The following GALNTL6 variants were observed in gnomAD, a reference collection of about 807,000 sequenced individuals.
GALNTL6 encodes the protein polypeptide N-acetylgalactosaminyltransferase like 6.
A neutral mutation model predicts 73.7 loss-of-function variants in GALNTL6; 46 were observed. The ratio of observed to expected loss-of-function variants is 0.62; its 90% CI spans 0.49 to 0.80. The LOEUF (loss-of-function observed/expected upper bound fraction) is 0.80, where lower values mean the gene tolerates loss of function less well. GALNTL6 is among the 30% of genes least tolerant of loss of function. GALNTL6 has a pLI of 0.00. For missense variants in GALNTL6, 604 were observed against 755.0 expected (o/e 0.80, Z 2.34); for synonymous variants, 259 against 263.7 (o/e 0.98, Z 0.17).
chr4:172,028,436 A>C (rs2110815271), intron 2 of GALNTL6, among the ~76,000 whole-genome samples: 1 of 152,248 alleles, frequency 6.6e-6, no homozygotes, highest in South Asian at 2.1e-4. Flanking sequence ...AATGCTAATA[A>C]AAACATTTAA....
At chr4:171,883,944 G>A (rs2110915805) in intron 2 of GALNTL6, among the ~76,000 whole-genome samples, 1 of 152,248 alleles carries the variant, frequency 6.6e-6, no homozygotes. Context: ...ACCGCTCCCA[G>A]ACATATATGT....
chr4:172,348,226 A>G (rs1741820555), intron 4 of GALNTL6, among the ~76,000 whole-genome samples: 1 of 152,186 alleles, frequency 6.6e-6, no homozygotes, highest in Non-Finnish European at 1.5e-5. Flanking sequence ...TATTTCTATT[A>G]TATAACAACA....
chr4:172,062,099 A>G (rs548565669), intron 2 of GALNTL6, among the ~76,000 whole-genome samples: 1 of 151,016 alleles, frequency 6.6e-6, no homozygotes, highest in South Asian at 2.1e-4. Flanking sequence ...ACAGGTGCAC[A>G]CCACCATGCC....
In GALNTL6 at chr4:171,851,421, C is replaced by T. The variant is rs193110793; in HGVS notation, c.138+36703C>T. On this transcript the variant is annotated intron_variant, in intron 2 of 12. Transcript: ENST00000506823. ...GTTCATTTAAACTCTGTAGAAGAAC[C>T]CTCATCAGTCTCTCCATATTGCTTT... Among the ~76,000 whole-genome samples the T allele has an allele frequency of 4.0e-3, 602 of 152,226 alleles. 3 individuals carry two copies. Among genetic ancestry groups the T allele is most frequent in the African/African-American group, 0.014 (574 of 41,548 alleles).
chr4:172,004,482 C>T (rs1231769378), intron 2 of GALNTL6, among the ~76,000 whole-genome samples: 20 of 151,974 alleles, frequency 1.3e-4, no homozygotes, highest in Admixed American at 1.3e-3. Context: ...ATTCTATCAC[C>T]ATCTACTTTA....
intron 5 of GALNTL6, among the ~76,000 whole-genome samples, chr4:172,742,177 G>A (rs1026321014): frequency 6.6e-6 from 1 of 151,816 alleles, no homozygotes; most frequent in African/African-American, 2.4e-5. Flanking sequence ...TTTAGATAAC[G>A]GGATAGTTCA....
chr4:172,989,544 G>A (rs1751451945), intron 10 of GALNTL6, among the ~76,000 whole-genome samples: 1 of 152,176 alleles, frequency 6.6e-6, no homozygotes, highest in African/African-American at 2.4e-5. Context: ...TGGAGTAGGG[G>A]CCTGGTACAA....
At chr4:171,905,224 ATCAGTGTGCTGTAT>A (rs1737238065) in intron 2 of GALNTL6, among the ~76,000 whole-genome samples, 1 of 151,660 alleles carries the variant, frequency 6.6e-6, no homozygotes, top group Non-Finnish European at 1.5e-5. Flanking sequence ...GTCAAGACCC[ATCAGTGTGCTGTAT>A]TCAGGAAACC....
chr4:173,000,093 A>G (rs1751978960), intron 10 of GALNTL6, among the ~76,000 whole-genome samples: 1 of 152,168 alleles, frequency 6.6e-6, no homozygotes, highest in South Asian at 2.1e-4. Context: ...ATTAACATCT[A>G]TTGAGCACAT....
At chr4:172,661,197 G>C (rs1305349337) in intron 5 of GALNTL6, among the ~76,000 whole-genome samples, 2 of 152,064 alleles carry the variant, frequency 1.3e-5, no homozygotes, top group East Asian at 1.9e-4. Flanking sequence ...TCAGTTGAAG[G>C]CCTCAATAAA....
intron 5 of GALNTL6, among the ~76,000 whole-genome samples, chr4:172,753,302 A>G (rs1579437496): frequency 1.3e-5 from 2 of 152,336 alleles, no homozygotes; most frequent in Non-Finnish European, 2.9e-5. Context: ...CTGTGAGTCT[A>G]TCAAACCTCT....
chr4:172,833,667 T>C (rs1269719311), intron 7 of GALNTL6, among the ~76,000 whole-genome samples: 3 of 152,234 alleles, frequency 2.0e-5, no homozygotes, highest in Non-Finnish European at 4.4e-5. Flanking sequence ...AGTAAGCAGC[T>C]AACCCCAACT....
At chr4:172,155,193 T>C (rs1037191571) in intron 2 of GALNTL6, among the ~76,000 whole-genome samples, 3 of 152,128 alleles carry the variant, frequency 2.0e-5, no homozygotes, top group African/African-American at 7.2e-5. Flanking sequence ...AGACTGGGTT[T>C]CACCATGTTG....
At chr4:172,745,730 T>G (rs1438508787) in intron 5 of GALNTL6, among the ~76,000 whole-genome samples, 3 of 151,940 alleles carry the variant, frequency 2.0e-5, no homozygotes. Context: ...GGCAGGAGAT[T>G]GGAGAGGGGA....
chr4:172,552,837 T>TTAAAAAAAAAAAAAA, intron 5 of GALNTL6, among the ~76,000 whole-genome samples: 1 of 80,408 alleles, frequency 1.2e-5, no homozygotes, highest in South Asian at 6.1e-4. Context: ...GTAATTGCAG[T>TTAAAAAAAAAAAAAA]AAAAAAAAAA....
rs112556046 is a variant in GALNTL6 at position 171,980,513 on chromosome 4, T to C, written c.138+165795T>C. 1.8e-3 allele frequency among the ~76,000 whole-genome samples: 274 copies of C among 152,320 alleles called. 1 individual carries two copies. The highest frequency in any genetic ancestry group is 6.1e-3 in the African/African-American group (254 of 41,562). On this transcript the variant is annotated intron_variant, in intron 2 of 12. Coordinates refer to ENST00000506823, the MANE Select transcript of GALNTL6 (RefSeq NM_001034845.3). ...TTCAAAAGTGCACAAAAAGTCTGCA[T>C]GTAAATCCACATCTACCCGCACCAC...
chr4:171,982,581 A>T (rs2111082302), intron 2 of GALNTL6, among the ~76,000 whole-genome samples: 1 of 152,194 alleles, frequency 6.6e-6, no homozygotes, highest in Middle Eastern at 3.4e-3. Flanking sequence ...TACAAGCATG[A>T]GCCACCGCGC....
intron 5 of GALNTL6, among the ~76,000 whole-genome samples, chr4:172,689,635 A>G (rs1485704986): frequency 1.3e-5 from 2 of 152,168 alleles, no homozygotes; most frequent in African/African-American, 2.4e-5. Flanking sequence ...CTAAGTTCTT[A>G]ATGCTTTTTC....
At chr4:172,470,478 A>G (rs1733004738) in intron 5 of GALNTL6, among the ~76,000 whole-genome samples, 1 of 152,188 alleles carries the variant, frequency 6.6e-6, no homozygotes, top group Non-Finnish European at 1.5e-5. Context: ...CTACTCAAAA[A>G]CAAACAGAAA....
Sources: gnomAD v4.1 joint callset for allele counts (sites outside exome capture counted in the v4.1 genomes callset) on GRCh38, gnomAD v4.1.1 for gene constraint, MANE v1.5 for transcripts, NCBI Gene and HGNC (gene_info 2026-07-23, HGNC 2026-07-21) for gene names.